ETV6: variants seen among roughly 807,000 people sequenced by gnomAD.
ETV6 encodes the protein transcription factor ETV6.
Under a neutral mutation model 51.1 loss-of-function variants are expected in ETV6, and 16 were observed. The observed-to-expected ratio is 0.31, with a 90% CI of 0.21 to 0.48. The LOEUF is 0.48. ETV6 is among the 20% of genes least tolerant of loss of function. ETV6 has a pLI of 0.99. For synonymous variants in ETV6, 240 were observed against 224.1 expected (o/e 1.07, Z -0.64); for missense variants, 458 against 594.8 (o/e 0.77, Z 2.39).
intron 1 of ETV6, among the ~76,000 whole-genome samples, chr12:11,728,124 C>T (rs1865524088): frequency 6.6e-6 from 1 of 152,182 alleles, no homozygotes. Flanking sequence ...CCCGGCCTCC[C>T]CTTCTTATAA....
rs111704328 is a variant in ETV6 at position 11,800,739 on chromosome 12, A to AC, written c.164-38394dup. ...AAATATTCTTCATGAGAATGAAGTT[A>AC]CCCCCCCAGAAAGGGGGACCAGTTA... On this transcript the variant is annotated intron_variant, in intron 2 of 7. Transcript: ENST00000396373. Among the ~76,000 whole-genome samples, 28 of 151,904 alleles carry AC rather than the reference A, an allele frequency of 1.8e-4. 1 individual carries two copies. Among genetic ancestry groups the AC allele is most frequent in the Middle Eastern group, 3.4e-3 (1 of 294 alleles).
At chr12:11,794,369 G>A (rs941429540) in intron 2 of ETV6, among the ~76,000 whole-genome samples, 4 of 152,204 alleles carry the variant, frequency 2.6e-5, no homozygotes, top group Non-Finnish European at 5.9e-5. Context: ...TCTTAGGGCT[G>A]TGTTCTTTCT....
chr12:11,663,576 TA>T (rs2120656189), intron 1 of ETV6, among the ~76,000 whole-genome samples: 1 of 152,342 alleles, frequency 6.6e-6, no homozygotes, highest in South Asian at 2.1e-4. Context: ...CATATAGATG[TA>T]AAATATATCT....
intron 1 of ETV6, among the ~76,000 whole-genome samples, chr12:11,704,967 C>G (rs1865045953): frequency 6.6e-6 from 1 of 152,142 alleles, no homozygotes; most frequent in Admixed American, 6.6e-5. Context: ...TGTATGATCT[C>G]ACTTTTATCT....
rs746201057 is a variant in ETV6, at chr12:11,894,906, GT to G, written c.*3864del. On this transcript the variant is annotated 3_prime_UTR_variant, in exon 8 of 8. Transcript: ENST00000396373. ...GAAAACACACCAAGAAAAAGGGGCA[GT>G]TTTCTTTGCCCAAGCATTTGGTGCT... 3.9e-5 allele frequency: 9 copies of G among 233,512 alleles called. No individual in the cohort carries two copies. Among genetic ancestry groups the G allele is most frequent in the African/African-American group, 8.8e-5 (4 of 45,326 alleles). The allele number at this position is 233,512 out of a possible 1,614,324, so 14.5% of individuals were successfully genotyped here. A position where few individuals can be genotyped will look rare whatever the true frequency, so the allele number is the denominator to read the frequency against.
intron 5 of ETV6, among the ~76,000 whole-genome samples, chr12:11,877,098 A>G (rs1946998147): frequency 6.6e-6 from 1 of 152,196 alleles, no homozygotes; most frequent in Non-Finnish European, 1.5e-5. Context: ...GATGAATTAT[A>G]TATATACAAA....
chr12:11,738,959 G>T (rs890977525), intron 1 of ETV6, among the ~76,000 whole-genome samples: 3 of 152,182 alleles, frequency 2.0e-5, no homozygotes, highest in Non-Finnish European at 4.4e-5. Context: ...ATGAGGAGAG[G>T]TTGCACTGCA....
At chr12:11,661,067 G>A (rs1035935750) in intron 1 of ETV6, among the ~76,000 whole-genome samples, 1 of 152,172 alleles carries the variant, frequency 6.6e-6, no homozygotes, top group Non-Finnish European at 1.5e-5. Context: ...ATAGCTCACC[G>A]TAACCTCAAA....
intron 1 of ETV6, among the ~76,000 whole-genome samples, chr12:11,703,772 C>A (rs527439200): frequency 7.2e-5 from 11 of 152,254 alleles, no homozygotes; most frequent in African/African-American, 2.4e-4. Context: ...GGGGAGCTTC[C>A]TGGATGGGAG....
chr12:11,712,457 G>A (rs1276787075), intron 1 of ETV6, among the ~76,000 whole-genome samples: 9 of 152,240 alleles, frequency 5.9e-5, no homozygotes, highest in South Asian at 4.1e-4. Context: ...CCATCATCTC[G>A]TCGTAGATGG....
At chr12:11,742,554 AAAGG>A (rs1480379389) in intron 1 of ETV6, among the ~76,000 whole-genome samples, 2 of 152,212 alleles carry the variant, frequency 1.3e-5, no homozygotes, top group Non-Finnish European at 1.5e-5. Context: ...TCGAGTTATA[AAAGG>A]AAGAGGATAA....
rs1946936022 is a variant in ETV6 at position 11,874,495 on chromosome 12, C to CGTGTGTACACACAT, written c.1009+4526_1009+4527insGTGTGTACACACAT. ...ACACGTGTATGTGCGTGTGTACACA[C>CGTGTGTACACACAT]ATATGTGTATGTGCGTGTGTACACA... On this transcript the variant is annotated intron_variant, in intron 5 of 7. Coordinates refer to ENST00000396373, the MANE Select transcript of ETV6 (RefSeq NM_001987.5). Among the ~76,000 whole-genome samples the CGTGTGTACACACAT allele has an allele frequency of 2.1e-4, 3 of 14,070 alleles. 1 individual carries two copies. The highest frequency in any genetic ancestry group is 4.5e-4 in the African/African-American group (3 of 6,728). 9.2% of individuals were successfully genotyped at this position (14,070 alleles called of 152,430 possible).
intron 2 of ETV6, 140 bp downstream of exon 2, chr12:11,752,719 A>G (rs1866061018): frequency 2.9e-6 from 3 of 1,035,350 alleles, no homozygotes; most frequent in South Asian, 2.0e-5. Flanking sequence ...AATCTTTCAC[A>G]CCCCCCTACC....
intron 1 of ETV6, among the ~76,000 whole-genome samples, chr12:11,708,474 C>T: frequency 6.6e-6 from 1 of 152,146 alleles, no homozygotes; most frequent in Non-Finnish European, 1.5e-5. Context: ...GAGGTGCCAC[C>T]TCCCTGGGAG....
intron 1 of ETV6, chr12:11,751,446 G>T (rs772578280): frequency 3.9e-6 from 2 of 518,950 alleles, no homozygotes; most frequent in Admixed American, 1.9e-5. Context: ...AGACACTCCT[G>T]AAGTCATGTT....
intron 2 of ETV6, among the ~76,000 whole-genome samples, chr12:11,763,941 T>C (rs1462495314): frequency 6.6e-6 from 1 of 152,222 alleles, no homozygotes; most frequent in Non-Finnish European, 1.5e-5. Context: ...GTGAATGTTA[T>C]ACTTAAGCAG....
At chr12:11,734,956 C>T (rs901127632) in intron 1 of ETV6, among the ~76,000 whole-genome samples, 1 of 152,114 alleles carries the variant, frequency 6.6e-6, no homozygotes, top group Non-Finnish European at 1.5e-5. Context: ...CAATATGAAA[C>T]CTTTCGTCTC....
chr12:11,787,022 G>T (rs1040392773), intron 2 of ETV6, among the ~76,000 whole-genome samples: 1 of 152,018 alleles, frequency 6.6e-6, no homozygotes, highest in African/African-American at 2.4e-5. Flanking sequence ...GTCCAATTAT[G>T]CCCCCTAAAC....
At chr12:11,765,605 AC>A (rs1445213993) in intron 2 of ETV6, among the ~76,000 whole-genome samples, 4 of 151,936 alleles carry the variant, frequency 2.6e-5, no homozygotes, top group African/African-American at 9.7e-5. Flanking sequence ...GTGGGCTCTC[AC>A]CACTTAACCA....
Sources: gnomAD v4.1 joint callset for allele counts (sites outside exome capture counted in the v4.1 genomes callset) on GRCh38, gnomAD v4.1.1 for gene constraint, MANE v1.5 for transcripts, NCBI Gene and HGNC (gene_info 2026-07-23, HGNC 2026-07-21) for gene names.